The following ASTN2 variants were observed in gnomAD, a reference collection of about 807,000 sequenced individuals.
ASTN2 encodes astrotactin 2.
ASTN2 carries 54 observed loss-of-function variants against 139.8 expected under a neutral mutation model. That is an observed-to-expected ratio of 0.39 (90% CI 0.31 to 0.48). ASTN2 has a LOEUF of 0.48. Ranked by LOEUF, ASTN2 falls within the 20% of genes least tolerant of loss-of-function variation. The pLI, the probability that ASTN2 is intolerant of heterozygous loss-of-function variation, is 0.95. For synonymous variants in ASTN2, 756 were observed against 719.5 expected, an observed-to-expected ratio of 1.05 and a Z score of -0.81; for missense variants, 1,565 against 1,725.1, an observed-to-expected ratio of 0.91 and a Z score of 1.64.
At chr9:116,462,455 C>T (rs997574832) in intron 20 of ASTN2, among the ~76,000 whole-genome samples, 3 of 152,150 alleles carry the variant, frequency 2.0e-5, no homozygotes, top group South Asian at 4.1e-4. Context: ...TGTCTTAATC[C>T]ATGCCATGCA....
chr9:116,606,761 C>T (rs1855229059), intron 19 of ASTN2, among the ~76,000 whole-genome samples: 1 of 151,918 alleles, frequency 6.6e-6, no homozygotes, highest in South Asian at 2.1e-4. Flanking sequence ...AAGAACTGTG[C>T]TGGAATTAAC....
chr9:117,087,734 T>C (rs1828605751), intron 5 of ASTN2, among the ~76,000 whole-genome samples: 1 of 152,176 alleles, frequency 6.6e-6, no homozygotes, highest in Non-Finnish European at 1.5e-5. Flanking sequence ...GAAGGACAAC[T>C]GCTACACTTA....
At chr9:117,020,002 C>CTGTGTGTGTGTG (rs57575432) in intron 6 of ASTN2, among the ~76,000 whole-genome samples, 7 of 140,814 alleles carry the variant, frequency 5.0e-5, no homozygotes, top group South Asian at 2.4e-4. Flanking sequence ...TTCAGGGTTT[C>CTGTGTGTGTGTG]TGTGTGTGTG....
chr9:116,658,755 T>TTTTG (rs1858382085), intron 16 of ASTN2, among the ~76,000 whole-genome samples: 1 of 130,864 alleles, frequency 7.6e-6, no homozygotes, highest in African/African-American at 2.7e-5. Context: ...TTTTTTTTTT[T>TTTTG]TTTGCTTGTA....
At chr9:117,373,105 C>G (rs1439331926) in intron 1 of ASTN2, among the ~76,000 whole-genome samples, 1 of 152,120 alleles carries the variant, frequency 6.6e-6, no homozygotes, top group Non-Finnish European at 1.5e-5. Context: ...GAGGAACACA[C>G]TCATTATTAT....
intron 13 of ASTN2, among the ~76,000 whole-genome samples, chr9:116,781,482 A>G (rs1251483760): frequency 6.6e-6 from 1 of 152,158 alleles, no homozygotes; most frequent in Non-Finnish European, 1.5e-5. Flanking sequence ...TCACATGCCT[A>G]TATCATTTGG....
At chr9:116,453,381 CAGG>C (rs1466222259) in intron 20 of ASTN2, among the ~76,000 whole-genome samples, 1 of 151,782 alleles carries the variant, frequency 6.6e-6, no homozygotes, top group East Asian at 1.9e-4. Flanking sequence ...ATCACGAGGT[CAGG>C]AGATCGAGAC....
At chr9:116,493,260 G>T (rs1485152031) in intron 19 of ASTN2, among the ~76,000 whole-genome samples, 2 of 152,144 alleles carry the variant, frequency 1.3e-5, no homozygotes, top group African/African-American at 4.8e-5. Flanking sequence ...TACCTTGTTA[G>T]GGGCTTATGG....
intron 5 of ASTN2, among the ~76,000 whole-genome samples, chr9:117,057,345 C>A (rs915667884): frequency 6.6e-6 from 1 of 152,104 alleles, no homozygotes; most frequent in Non-Finnish European, 1.5e-5. Context: ...AGGAGCTGTG[C>A]CAAGGCATCA....
At chr9:117,065,885 C>T (rs1438048568) in intron 5 of ASTN2, among the ~76,000 whole-genome samples, 1 of 152,122 alleles carries the variant, frequency 6.6e-6, no homozygotes, top group Non-Finnish European at 1.5e-5. Context: ...TGCTCTGATT[C>T]TGTCACTTTC....
intron 19 of ASTN2, among the ~76,000 whole-genome samples, chr9:116,499,696 T>C (rs184351624): frequency 6.6e-6 from 1 of 152,254 alleles, no homozygotes; most frequent in Admixed American, 6.5e-5. Flanking sequence ...CTTTACCTGC[T>C]GGAAGAAAGC....
intron 13 of ASTN2, among the ~76,000 whole-genome samples, chr9:116,799,306 C>A (rs1008842109): frequency 6.6e-6 from 1 of 152,118 alleles, no homozygotes; most frequent in African/African-American, 2.4e-5. Flanking sequence ...TCTTGCCAAG[C>A]GTGGGTTGTG....
intron 19 of ASTN2, among the ~76,000 whole-genome samples, chr9:116,513,292 G>A (rs527863851): frequency 6.6e-6 from 1 of 152,056 alleles, no homozygotes; most frequent in Non-Finnish European, 1.5e-5. Flanking sequence ...AATTCTGGGT[G>A]GAAAATTCTT....
At chr9:117,278,834 G>C (rs943644510) in intron 2 of ASTN2, among the ~76,000 whole-genome samples, 1 of 152,156 alleles carries the variant, frequency 6.6e-6, no homozygotes, top group East Asian at 1.9e-4. Context: ...AACCTACAGC[G>C]TGAGTGGCTC....
chr9:116,783,411 C>T lies in ASTN2; in HGVS notation c.2396+22221G>A, dbSNP rs920740984. Among the ~76,000 whole-genome samples the T allele has an allele frequency of 5.2e-4, 79 of 151,338 alleles. 1 individual carries two copies. Among genetic ancestry groups the T allele is most frequent in the African/African-American group, 1.4e-3 (57 of 41,252 alleles). ...CTTCTATCTTGTTAACGACCTACCA[C>T]GCACCAAGCCCTGTTCACTCTAATT... On this transcript the variant is annotated intron_variant, in intron 13 of 22. Transcript: ENST00000313400.
intron 16 of ASTN2, chr9:116,686,630 T>G: frequency 1.4e-6 from 2 of 1,468,804 alleles, no homozygotes; most frequent in Non-Finnish European, 1.9e-6. Flanking sequence ...CCAGATCACC[T>G]CCCACCTGGT....
intron 13 of ASTN2, among the ~76,000 whole-genome samples, chr9:116,781,632 G>C (rs1477392705): frequency 1.3e-5 from 2 of 152,090 alleles, no homozygotes; most frequent in African/African-American, 4.8e-5. Context: ...TGTGCAAAAA[G>C]CTCATTAGAA....
chr9:117,163,133 G>A (rs971035682), intron 3 of ASTN2, among the ~76,000 whole-genome samples: 2 of 152,046 alleles, frequency 1.3e-5, no homozygotes, highest in Non-Finnish European at 2.9e-5. Context: ...AAAAAGTAGG[G>A]GAGGAGGTAA....
chr9:116,675,903 G>A (rs901051000), intron 16 of ASTN2, among the ~76,000 whole-genome samples: 10 of 152,190 alleles, frequency 6.6e-5, no homozygotes, highest in African/African-American at 2.4e-4. Flanking sequence ...CAGGGAAAAA[G>A]TTTGAGCTTT....
Sources: gnomAD v4.1 joint callset for allele counts (sites outside exome capture counted in the v4.1 genomes callset) on GRCh38, gnomAD v4.1.1 for gene constraint, MANE v1.5 for transcripts, NCBI Gene and HGNC (gene_info 2026-07-23, HGNC 2026-07-21) for gene names.